PPL: variants seen among roughly 807,000 people sequenced by gnomAD.
PPL encodes periplakin.
Under a neutral mutation model 194.4 loss-of-function variants are expected in PPL, and 198 were observed. That is an observed-to-expected ratio of 1.02 (90% confidence interval 0.91 to 1.15). The LOEUF (loss-of-function observed/expected upper bound fraction) is 1.15, where lower values mean the gene tolerates loss of function less well. PPL is among the 50% of genes most tolerant of loss of function. The pLI, the probability that PPL is intolerant of heterozygous loss-of-function variation, is 0.00. For missense variants in PPL, 2,885 were observed against 2,294.8 expected (o/e 1.26, Z -5.25); for synonymous variants, 1,220 against 972.4 (o/e 1.25, Z -4.74).
At chr16:4,903,309 G>A (rs1459665732) in intron 3 of PPL, among the ~76,000 whole-genome samples, 2 of 152,180 alleles carry the variant, frequency 1.3e-5, no homozygotes, top group Admixed American at 1.3e-4. Flanking sequence ...CAGCGGAAGA[G>A]CTCGCTCAAA....
intron 1 of PPL, among the ~76,000 whole-genome samples, chr16:4,922,931 T>C (rs2089080407): frequency 6.6e-6 from 1 of 152,140 alleles, no homozygotes; most frequent in South Asian, 2.1e-4. Flanking sequence ...ATATGGGTAA[T>C]GAGGTGTCGG....
rs147630537 is a variant in PPL at position 4,885,258 on chromosome 16, G to C, written c.3397C>G (p.Leu1133Val). The change falls in exon 22 of 22, where the codon CTC becomes GTC. Residue 1133 changes from leucine (L) to valine (V), a missense_variant. Transcript: ENST00000345988. This position sits in a 1 kb window ranked among gnomAD's most constrained non-coding sequence, Gnocchi z 6.3. ...GCCTCGTCCTCATATTGGCGGGTGA[G>C]ATCGCTGACCTCCCTCTCGGTGGCC... ...DAATEREVSD[L>V]TRQYEDEAAK... is the part of the protein sequence containing the mutation. 3 of 1,612,642 alleles carry C rather than the reference G, an allele frequency of 1.9e-6. No homozygotes were observed. Among genetic ancestry groups the C allele is most frequent in the Non-Finnish European group, 2.5e-6 (3 of 1,179,984 alleles).
chr16:4,893,662 G>A, intron 12 of PPL, 24 bp from the exon 13 acceptor site: 1 of 1,551,262 alleles, frequency 6.4e-7, no homozygotes, highest in Non-Finnish European at 8.7e-7. Flanking sequence ...AATGAGCTGG[G>A]AACCTGGGCA....
chr16:4,913,104 G>A (rs559087292), intron 1 of PPL, among the ~76,000 whole-genome samples: 14 of 141,658 alleles, frequency 9.9e-5, no homozygotes, highest in East Asian at 4.1e-4. Context: ...ACTCCATCTC[G>A]AAAAAAAAAA....
intron 1 of PPL, among the ~76,000 whole-genome samples, chr16:4,929,431 C>T (rs983808245): frequency 6.6e-6 from 1 of 152,074 alleles, no homozygotes; most frequent in African/African-American, 2.4e-5. Flanking sequence ...GCCAGCTGTG[C>T]CCCACGCCAG....
At chr16:4,922,016 C>A (rs2089060035) in intron 1 of PPL, among the ~76,000 whole-genome samples, 1 of 151,924 alleles carries the variant, frequency 6.6e-6, no homozygotes. Context: ...CTCGGGGGAC[C>A]CTCGCTCTCC....
intron 3 of PPL, among the ~76,000 whole-genome samples, chr16:4,903,040 C>T (rs1212193266): frequency 3.3e-5 from 5 of 152,152 alleles, no homozygotes; most frequent in African/African-American, 4.8e-5. Flanking sequence ...TGAGGGCCTA[C>T]TATGTGCCAG....
intron 6 of PPL, among the ~76,000 whole-genome samples, chr16:4,900,520 G>A (rs893388403): frequency 1.5e-4 from 20 of 137,788 alleles, no homozygotes; most frequent in African/African-American, 4.3e-4. Context: ...GCTCATTGCA[G>A]CCTCCACCTC....
intron 21 of PPL, among the ~76,000 whole-genome samples, chr16:4,886,429 C>T (rs1861141501): frequency 6.6e-6 from 1 of 152,230 alleles, no homozygotes; most frequent in African/African-American, 2.4e-5. Context: ...ACTGCACTTA[C>T]AGAGCTCATT....
Position 4,887,218 on chromosome 16 carries a change from G to T in PPL, c.2524C>A (p.Leu842Ile), listed in dbSNP as rs373074661. ...ATKVKEEEAA[L>I]AAKFTEVYAI... ...TAAACTTCAGTGAACTTGGCGGCAA[G>T]TGCTGCTTCCTGCAGAGAAGAGGAT... is the stretch of plus-strand genomic sequence containing the variant. The change falls in exon 21 of 22, where the codon CTT becomes ATT. Residue 842 changes from leucine (L) to isoleucine (I), a missense_variant. By Grantham distance (5) the Leu-to-Ile change is conservative. Coordinates refer to ENST00000345988, the MANE Select transcript of PPL (RefSeq NM_002705.5). 1.2e-5 allele frequency: 20 copies of T among 1,613,708 alleles called. No individual in the cohort carries two copies. In the African/African-American group the frequency reaches 2.0e-4, roughly 16 times the overall value.
Position 4,884,412 on chromosome 16 carries a change from C to G in PPL, c.4243G>C (p.Glu1415Gln), listed in dbSNP as rs1443385043. The G allele has an allele frequency of 6.2e-7, 1 of 1,605,154 alleles. No homozygotes were observed. Among genetic ancestry groups the G allele is most frequent in the South Asian group, 1.1e-5 (1 of 90,718 alleles). ...AACCGCTGTACCTCGCGCTCGGCCT[C>G]CCTGCGGGCCTGCCGCTCGCGCTCT... ...ELERERQARR[E>Q]AEREVQRLQQ... Residue 1415 changes from glutamate to glutamine, a missense_variant, in exon 22 of 22, where the codon GAG becomes CAG. By Grantham distance (29) the Glu-to-Gln change is conservative. Transcript: ENST00000345988. The surrounding 1 kb of genome is among the most constrained non-coding windows in gnomAD (Gnocchi z 5.7).
At position 4,883,186 on chromosome 16, in the gene PPL, G is replaced by A; in HGVS notation, c.*198C>T. ...ATGAAGTACGTCACTCAGGGTGAAT[G>A]ATGGTTGGGACGAGAGTTGCCTGTC... On this transcript the variant is annotated 3_prime_UTR_variant, in exon 22 of 22. Transcript: ENST00000345988. The surrounding 1 kb of genome is among the most constrained non-coding windows in gnomAD (Gnocchi z 4.8). 3 of 649,452 alleles carry A rather than the reference G, an allele frequency of 4.6e-6. No individual in the cohort carries two copies. The highest frequency in any genetic ancestry group is 5.2e-6 in the Non-Finnish European group (2 of 383,014). The allele number at this position is 649,452 out of a possible 1,614,324, so 40.2% of individuals were successfully genotyped here. A position where few individuals can be genotyped will look rare whatever the true frequency, so the allele number is the denominator to read the frequency against.
chr16:4,890,631 A>C (rs1441768862), intron 17 of PPL, 97 bp downstream of exon 17: 1 of 1,412,480 alleles, frequency 7.1e-7, no homozygotes, highest in Non-Finnish European at 9.5e-7. Context: ...AAAAAGAAAA[A>C]CAGCAAAATC....
In PPL at chr16:4,902,393, G is replaced by A. The variant is rs370759174; in HGVS notation, c.438+13C>T. The A allele has an allele frequency of 1.9e-5, 30 of 1,613,336 alleles. No individual in the cohort carries two copies. The highest frequency in any genetic ancestry group is 1.1e-4 in the South Asian group (10 of 90,924). ...CTGAAACCCTGGAGCCAGCGGCCCC[G>A]TCCAGGCCATACCAGCTTCTCCTCC... On this transcript the variant is annotated intron_variant, in intron 4 of 21. Transcript: ENST00000345988. The surrounding 1 kb of genome is among the most constrained non-coding windows in gnomAD (Gnocchi z 4.0).
At chr16:4,924,884 C>T (rs982139651) in intron 1 of PPL, among the ~76,000 whole-genome samples, 29 of 152,208 alleles carry the variant, frequency 1.9e-4, no homozygotes, top group African/African-American at 6.8e-4. Context: ...GGAGGGGCCA[C>T]GTTCCTGCCA....
intron 19 of PPL, chr16:4,888,646 G>A: frequency 2.8e-6 from 1 of 361,236 alleles, no homozygotes; most frequent in South Asian, 5.5e-5. Flanking sequence ...CTGGACACCA[G>A]TCCTTTCCAG....
intron 1 of PPL, among the ~76,000 whole-genome samples, chr16:4,929,314 T>C (rs1339088524): frequency 6.6e-6 from 1 of 152,038 alleles, no homozygotes; most frequent in Admixed American, 6.6e-5. Flanking sequence ...CTTTGCTTCC[T>C]GAGGTCCCTC....
chr16:4,911,156 C>CTTTTTTT (rs34229581), intron 1 of PPL, among the ~76,000 whole-genome samples: 2 of 85,900 alleles, frequency 2.3e-5, no homozygotes, highest in African/African-American at 4.6e-5. Context: ...GGTCAGCCTC[C>CTTTTTTT]TTTTTTTTTT....
Position 4,897,746 on chromosome 16 carries a change from C to G in PPL, c.901G>C (p.Asp301His). ...AGCAGGTTCAGGTACTCCTTCCAGT[C>G]TGCGTGCACAGCCTCCATGTGCGCC... is the stretch of plus-strand genomic sequence containing the variant. Reference protein sequence around the residue: ...IEAHMEAVHADWKEYLNLLIC... With the variant: ...IEAHMEAVHAHWKEYLNLLIC... The change falls in exon 9 of 22, where the codon GAC becomes CAC. Residue 301 changes from aspartate to histidine, a missense_variant. Coordinates refer to ENST00000345988, the MANE Select transcript of PPL (RefSeq NM_002705.5). 1 of 1,613,912 alleles carries G rather than the reference C, an allele frequency of 6.2e-7. No individual in the cohort carries two copies. The highest frequency in any genetic ancestry group is 8.5e-7 in the Non-Finnish European group (1 of 1,180,006).
Sources: allele counts gnomAD v4.1 joint callset (sites outside exome capture counted in the v4.1 genomes callset), GRCh38; gene constraint gnomAD v4.1.1; non-coding constraint Gnocchi (gnomAD v3.1); transcripts MANE v1.5; gene names NCBI Gene and HGNC (gene_info 2026-07-23, HGNC 2026-07-21).